The following LGMN variants were observed in gnomAD, a reference collection of about 807,000 sequenced individuals.
LGMN encodes legumain, also known as asparaginyl endopeptidase.
A neutral mutation model predicts 56.8 loss-of-function variants in LGMN; 36 were observed. That is an observed-to-expected ratio of 0.63 (90% CI 0.49 to 0.84). The LOEUF (loss-of-function observed/expected upper bound fraction) is 0.84. Ranked by LOEUF, LGMN falls within the 40% of genes least tolerant of loss-of-function variation. The pLI, the probability that LGMN is intolerant of heterozygous loss-of-function variation, is 0.00. For missense variants in LGMN, 446 were observed against 556.1 expected (o/e 0.80, Z 1.99); for synonymous variants, 199 against 210.1 (o/e 0.95, Z 0.46).
chr14:92,736,939 C>T (rs1042910081), intron 1 of LGMN, among the ~76,000 whole-genome samples: 1 of 152,142 alleles, frequency 6.6e-6, no homozygotes, highest in Non-Finnish European at 1.5e-5. Context: ...ATATCCATGT[C>T]CCCCAAGCTC....
chr14:92,736,006 T>C (rs1305624947), intron 1 of LGMN, among the ~76,000 whole-genome samples: 2 of 152,162 alleles, frequency 1.3e-5, no homozygotes, highest in Non-Finnish European at 2.9e-5. Flanking sequence ...CAGAGGGTTC[T>C]TGGACCTCAT....
chr14:92,707,249 T>A (rs77581761), intron 11 of LGMN, among the ~76,000 whole-genome samples: 11 of 144,074 alleles, frequency 7.6e-5, no homozygotes, highest in Non-Finnish European at 7.6e-5. Flanking sequence ...ATCAAAAAAC[T>A]AAAAAAAAAA....
At chr14:92,707,816 A>G (rs1294816967) in intron 11 of LGMN, among the ~76,000 whole-genome samples, 1 of 152,206 alleles carries the variant, frequency 6.6e-6, no homozygotes, top group East Asian at 1.9e-4. Flanking sequence ...AGCAGATACC[A>G]AAGAAGTCCT....
chr14:92,732,724 A>T lies in LGMN; in HGVS notation c.63T>A (p.Asp21Glu). Residue 21 changes from aspartate to glutamate, a missense_variant, in exon 2 of 14, where the codon GAT becomes GAA. By Grantham distance (45) the Asp-to-Glu change is conservative (BLOSUM62 2). Coordinates refer to ENST00000334869, the MANE Select transcript of LGMN (RefSeq NM_005606.7). ...AGTGCTTGCCTCCATCTTCAGGATC[A>T]TCTATAGGAACGGCACCAATGCCCA... ...VALGIGAVPI[D>E]DPEDGGKHWV... 1 of 1,614,212 alleles carries T rather than the reference A, an allele frequency of 6.2e-7. No individual in the cohort carries two copies. Among genetic ancestry groups the T allele is most frequent in the Non-Finnish European group, 8.5e-7 (1 of 1,180,028 alleles).
chr14:92,735,218 T>C (rs1891243786), intron 1 of LGMN, among the ~76,000 whole-genome samples: 1 of 152,080 alleles, frequency 6.6e-6, no homozygotes, highest in Non-Finnish European at 1.5e-5. Context: ...ACTGCATTTC[T>C]TTTTTTGAGA....
At chr14:92,704,780 A>G in intron 12 of LGMN, 73 bp from the exon 13 acceptor site, 2 of 1,204,694 alleles carry the variant, frequency 1.7e-6, no homozygotes, top group Non-Finnish European at 2.5e-6. Context: ...TTGCAATTGC[A>G]GAGGGGAAGC....
Position 92,714,193 on chromosome 14 carries a change from T to C in LGMN, c.480+183A>G, listed in dbSNP as rs1245736007. Among the ~76,000 whole-genome samples the C allele has an allele frequency of 6.6e-6, 1 of 152,194 alleles. No individual in the cohort carries two copies. Among genetic ancestry groups the C allele is most frequent in the Non-Finnish European group, 1.5e-5 (1 of 68,038 alleles). On this transcript the variant is annotated intron_variant, in intron 6 of 13. Transcript: ENST00000334869. The surrounding 1 kb of genome is among the most constrained non-coding windows in gnomAD (Gnocchi z 5.1). ...ACATGAACAGAAAAGCAGGGAAAACTGTCTGGAAGAGATGTCCTTGGATAG... is the reference window on the plus strand; with the variant it reads ...ACATGAACAGAAAAGCAGGGAAAACCGTCTGGAAGAGATGTCCTTGGATAG...
intron 2 of LGMN, among the ~76,000 whole-genome samples, chr14:92,729,277 AC>A (rs1039305542): frequency 4.8e-5 from 7 of 146,326 alleles, no homozygotes; most frequent in Admixed American, 2.1e-4. Context: ...ACACCCTCAC[AC>A]CTCTCTGGCA....
chr14:92,725,868 C>T (rs796151041), intron 2 of LGMN, among the ~76,000 whole-genome samples: 1 of 152,076 alleles, frequency 6.6e-6, no homozygotes, highest in African/African-American at 2.4e-5. Context: ...AGCCACCACA[C>T]CTGGCCACGG....
chr14:92,713,794 C>G (rs752367951), intron 7 of LGMN, 29 bp downstream of exon 7: 1 of 1,566,922 alleles, frequency 6.4e-7, no homozygotes, highest in South Asian at 1.1e-5. Flanking sequence ...CCCCCCGCCC[C>G]CACAAGGCTG....
intron 4 of LGMN, 121 bp downstream of exon 4, chr14:92,717,259 G>T: frequency 1.7e-6 from 1 of 604,100 alleles, no homozygotes; most frequent in Non-Finnish European, 3.0e-6. Flanking sequence ...TAATACGAAT[G>T]TGAAACACCG....
Position 92,732,797 on chromosome 14 carries a change from G to A in LGMN, c.-11C>T. On this transcript the variant is annotated 5_prime_UTR_variant, in exon 2 of 14. Coordinates refer to ENST00000334869, the MANE Select transcript of LGMN (RefSeq NM_005606.7). ...TACTTTCCAAACCATTCTGCACCTT[G>A]GAGTTCAATTGCAGACACCTGAGAA... The A allele has an allele frequency of 6.2e-7, 1 of 1,611,506 alleles. No homozygotes were observed. Among genetic ancestry groups the A allele is most frequent in the Non-Finnish European group, 8.5e-7 (1 of 1,179,144 alleles).
chr14:92,728,183 T>C (rs1156417899), intron 2 of LGMN, among the ~76,000 whole-genome samples: 1 of 152,202 alleles, frequency 6.6e-6, no homozygotes, highest in Non-Finnish European at 1.5e-5. Flanking sequence ...GGAAGACAAT[T>C]TTTCCACACA....
At chr14:92,716,583 A>ACCTCC (rs1890088502) in intron 4 of LGMN, among the ~76,000 whole-genome samples, 2 of 152,222 alleles carry the variant, frequency 1.3e-5, no homozygotes, top group African/African-American at 4.8e-5. Context: ...CAGTGAGCCA[A>ACCTCC]GATTGTGCCA....
In LGMN at chr14:92,712,964, C is replaced by G. The variant is rs572189848; in HGVS notation, c.544-93G>C. Reference sequence around the variant, plus strand: ...CTCTGCCCACTCTCTCTACCCATTCCTAACAAGTCCTCCAGGCTTGCTTCT... The same window carrying G: ...CTCTGCCCACTCTCTCTACCCATTCGTAACAAGTCCTCCAGGCTTGCTTCT... On this transcript the variant is annotated intron_variant, in intron 7 of 13. Coordinates refer to ENST00000334869, the MANE Select transcript of LGMN (RefSeq NM_005606.7). 195 of 1,114,998 alleles carry G rather than the reference C, an allele frequency of 1.7e-4. 1 individual carries two copies. In the South Asian group the frequency reaches 2.7e-3, roughly 16 times the overall value. The allele number at this position is 1,114,998 out of a possible 1,614,324, so 69.1% of individuals were successfully genotyped here. A position where few individuals can be genotyped will look rare whatever the true frequency, so the allele number is the denominator to read the frequency against.
intron 1 of LGMN, among the ~76,000 whole-genome samples, chr14:92,734,384 C>T (rs769384534): frequency 7.2e-5 from 11 of 152,198 alleles, no homozygotes; most frequent in African/African-American, 1.7e-4. Context: ...CTTAGGAAAG[C>T]GGAGGCGGAT....
chr14:92,708,054 G>A (rs1453913943), intron 11 of LGMN, among the ~76,000 whole-genome samples: 1 of 151,850 alleles, frequency 6.6e-6, no homozygotes, highest in Non-Finnish European at 1.5e-5. Context: ...GGGAGGCTGA[G>A]GCAGGAGAAT....
intron 12 of LGMN, among the ~76,000 whole-genome samples, chr14:92,705,518 C>CAAAA (rs71461984): frequency 0.014 from 2,137 of 151,184 alleles, 47 homozygotes; most frequent in African/African-American, 0.048. Flanking sequence ...AACAAACAAA[C>CAAAA]AAAAAAAACA....
intron 1 of LGMN, 50 bp from the exon 2 acceptor site, chr14:92,732,865 C>T: frequency 6.7e-7 from 1 of 1,488,698 alleles, no homozygotes; most frequent in Non-Finnish European, 9.1e-7. Flanking sequence ...AACTGATAAA[C>T]ATTGGCTGGG....
Sources: gnomAD v4.1 joint callset for allele counts (sites outside exome capture counted in the v4.1 genomes callset) on GRCh38, gnomAD v4.1.1 for gene constraint, Gnocchi (gnomAD v3.1) non-coding constraint, MANE v1.5 for transcripts, NCBI Gene and HGNC (gene_info 2026-07-23, HGNC 2026-07-21) for gene names.